NCBP2L: variants seen among roughly 807,000 people sequenced by gnomAD.
NCBP2L encodes nuclear cap-binding protein subunit 2-like.
For missense variants in NCBP2L, 95 were observed against 53.1 expected, an observed-to-expected ratio of 1.79 and a Z score of -2.45; for synonymous variants, 39 against 19.2, an observed-to-expected ratio of 2.04 and a Z score of -2.70.
In NCBP2L at chrX:107,782,236, AAT is replaced by A. The variant is rs1277066611; in HGVS notation, c.-73+4390_-73+4391del. On this transcript the variant is annotated intron_variant, in intron 1 of 1. Transcript: ENST00000509000. Reference sequence around the variant, plus strand: ...ATATATATATAAATATATATATATAAATATATATATATAAATATATATATAAA... The same window carrying A: ...ATATATATATAAATATATATATATAAATATATATATAAATATATATATAAA... 7.1e-3 allele frequency among the ~76,000 whole-genome samples: 52 copies of A among 7,363 alleles called. 6 individuals are homozygous for A. The highest frequency in any genetic ancestry group is 0.03 in the African/African-American group (40 of 1,325). 6.4% of individuals were successfully genotyped at this position (7,363 alleles called of 115,157 possible).
intron 1 of NCBP2L, among the ~76,000 whole-genome samples, chrX:107,780,862 T>G (rs1482679383): frequency 9.3e-6 from 1 of 107,073 alleles, no homozygotes; most frequent in African/African-American, 3.4e-5. Context: ...ACTCCTGAGC[T>G]TAAGATCCAC....
At chrX:107,784,758 C>T (rs768766676) in intron 1 of NCBP2L, among the ~76,000 whole-genome samples, 1 of 98,453 alleles carries the variant, frequency 1.0e-5, no homozygotes, top group South Asian at 5.0e-4. Flanking sequence ...ATCACTTAAG[C>T]TCAGGAGTTC....
chrX:107,784,432 G>C (rs1391207260), intron 1 of NCBP2L, among the ~76,000 whole-genome samples: 1 of 110,145 alleles, frequency 9.1e-6, no homozygotes, highest in Non-Finnish European at 1.9e-5. Context: ...TCTGCAATTT[G>C]TTACATGTTA....
chrX:107,781,254 C>T (rs756712078), intron 1 of NCBP2L, among the ~76,000 whole-genome samples: 67 of 97,526 alleles, frequency 6.9e-4, no homozygotes, highest in Non-Finnish European at 1.1e-3. Flanking sequence ...TTGGCTCTGC[C>T]GCCCAGGCTG....
intron 1 of NCBP2L, among the ~76,000 whole-genome samples, chrX:107,778,149 A>G (rs1040709070): frequency 3.6e-5 from 4 of 111,457 alleles, no homozygotes; most frequent in Non-Finnish European, 7.5e-5. Flanking sequence ...TCTTGTTTAT[A>G]ATTATTTCAT....
Position 107,783,358 on chromosome X carries a change from CT to C in NCBP2L, c.-73+5521del, listed in dbSNP as rs769083822. ...ATTAGCCTGGCATGGTGGCACTTGC[CT>C]TTTTTTTTTTTTTTTTTTTTATTTT... On this transcript the variant is annotated intron_variant, in intron 1 of 1. Transcript: ENST00000509000. Among the ~76,000 whole-genome samples the C allele has an allele frequency of 8.6e-3, 531 of 61,933 alleles. 6 individuals carry two copies. Among genetic ancestry groups the C allele is most frequent in the African/African-American group, 0.026 (315 of 11,921 alleles). The allele number at this position is 61,933 out of a possible 115,157, so 53.8% of individuals were successfully genotyped here.
At chrX:107,781,692 C>CTCTCTCTCTCTCTATATATATATATA (rs1395038482) in intron 1 of NCBP2L, among the ~76,000 whole-genome samples, 3 of 66,917 alleles carry the variant, frequency 4.5e-5, no homozygotes, top group African/African-American at 1.7e-4. Context: ...CTCTCTCTCT[C>CTCTCTCTCTCTCTATATATATATATA]TATATATATA....
intron 1 of NCBP2L, among the ~76,000 whole-genome samples, chrX:107,783,653 G>A (rs1183666503): frequency 2.7e-5 from 3 of 109,673 alleles, no homozygotes; most frequent in Non-Finnish European, 3.8e-5. Flanking sequence ...GATTACAGAC[G>A]TGAGCCACTG....
Position 107,793,464 on chromosome X carries a change from G to C in NCBP2L, c.-72-685G>C, listed in dbSNP as rs766012324. 3.6e-5 allele frequency among the ~76,000 whole-genome samples: 4 copies of C among 111,648 alleles called. No individual in the cohort carries two copies. In the South Asian group the frequency reaches 1.5e-3, roughly 42 times the overall value. The stretch of plus-strand genomic sequence containing the variant: ...CGACTAAATCGTGTTTAATGCCTCC[G>C]AATGCTGCAGTAAATTTTAGTAAAA... On this transcript the variant is annotated intron_variant, in intron 1 of 1. Coordinates refer to ENST00000509000, the MANE Select transcript of NCBP2L (RefSeq NM_001348372.2).
chrX:107,792,128 T>C (rs1252919642), intron 1 of NCBP2L, among the ~76,000 whole-genome samples: 1 of 112,243 alleles, frequency 8.9e-6, no homozygotes, highest in Admixed American at 9.4e-5. Flanking sequence ...TGCTAGAACC[T>C]TCCTTCCAGT....
intron 1 of NCBP2L, among the ~76,000 whole-genome samples, chrX:107,791,387 G>A (rs1189172985): frequency 9.0e-6 from 1 of 111,039 alleles, no homozygotes; most frequent in African/African-American, 3.3e-5. Flanking sequence ...TGGGACTATA[G>A]TCACATGCCA....
chrX:107,781,795 T>TAG (rs1259123926), intron 1 of NCBP2L, among the ~76,000 whole-genome samples: 1 of 99,384 alleles, frequency 1.0e-5, no homozygotes, highest in Admixed American at 1.1e-4. Context: ...TAGATATCTA[T>TAG]ATTTATATAT....
chrX:107,787,543 A>G (rs1033403952), intron 1 of NCBP2L, among the ~76,000 whole-genome samples: 2 of 112,006 alleles, frequency 1.8e-5, no homozygotes, highest in African/African-American at 3.2e-5. Flanking sequence ...TCTCACCTCC[A>G]TGACATGTTT....
At chrX:107,785,331 C>A (rs1182493321) in intron 1 of NCBP2L, among the ~76,000 whole-genome samples, 4 of 111,487 alleles carry the variant, frequency 3.6e-5, no homozygotes, top group Non-Finnish European at 7.5e-5. Flanking sequence ...GTTCCTCAGT[C>A]CAACCCCATC....
intron 1 of NCBP2L, 96 bp from the exon 2 acceptor site, chrX:107,794,053 T>G (rs1930485434): frequency 7.6e-6 from 3 of 392,649 alleles, no homozygotes; most frequent in African/African-American, 2.5e-5. Context: ...GGAGCTGAAG[T>G]GTTCTTGTAT....
intron 1 of NCBP2L, 27 bp from the exon 2 acceptor site, chrX:107,794,122 T>C (rs887908251): frequency 2.2e-6 from 1 of 457,624 alleles, no homozygotes; most frequent in Admixed American, 3.9e-5. Flanking sequence ...TCCTTTTGAC[T>C]TCCCTCTTTT....
intron 1 of NCBP2L, among the ~76,000 whole-genome samples, 154 bp downstream of exon 1, chrX:107,778,012 CTT>C (rs11290090): frequency 2.8e-5 from 2 of 71,335 alleles, no homozygotes; most frequent in Non-Finnish European, 2.5e-5. Flanking sequence ...TTCTTCTTCG[CTT>C]TTTTTTTTTT....
At position 107,794,813 on chromosome X, in the gene NCBP2L, T is replaced by C. The variant is rs1014838324; in HGVS notation, c.*131T>C. On this transcript the variant is annotated 3_prime_UTR_variant, in exon 2 of 2. Coordinates refer to ENST00000509000, the MANE Select transcript of NCBP2L (RefSeq NM_001348372.2). ...GTTGATGTATTTTTTTCTCTGAAAA[T>C]TTGTTAAATAGCAGAAACAAAAAAA... 1 of 404,126 alleles carries C rather than the reference T, an allele frequency of 2.5e-6. No homozygotes were observed. The highest frequency in any genetic ancestry group is 3.9e-5 in the East Asian group (1 of 25,939). The allele number at this position is 404,126 out of a possible 1,213,427, so 33.3% of individuals were successfully genotyped here.
chrX:107,782,947 A>G, intron 1 of NCBP2L, among the ~76,000 whole-genome samples: 1 of 109,018 alleles, frequency 9.2e-6, no homozygotes. Context: ...ATGTGTGTAT[A>G]TATATATATA....
Sources: allele counts gnomAD v4.1 joint callset (sites outside exome capture counted in the v4.1 genomes callset), GRCh38; gene constraint gnomAD v4.1.1; transcripts MANE v1.5; gene names NCBI Gene and HGNC (gene_info 2026-07-23, HGNC 2026-07-21).